APOB: variants seen among roughly 807,000 people sequenced by gnomAD.
APOB encodes apolipoprotein B.
In APOB, 153 loss-of-function variants were observed where a neutral mutation model predicts 314.1. The observed-to-expected ratio is 0.49, with a 90% CI of 0.43 to 0.56. The LOEUF is 0.56. Ranked by LOEUF, APOB falls within the 20% of genes least tolerant of loss-of-function variation. The probability of loss-of-function intolerance (pLI) is 0.00; values close to 1 mark genes in which losing one functional copy is unlikely to be tolerated. For missense variants in APOB, 5,430 were observed against 5,350.7 expected, an observed-to-expected ratio of 1.01 and a Z score of -0.46; for synonymous variants, 2,087 against 2,036.4, an observed-to-expected ratio of 1.02 and a Z score of -0.67.
At chr2:21,034,713 C>T in intron 8 of APOB, 103 bp downstream of exon 8, 1 of 785,668 alleles carries the variant, frequency 1.3e-6, no homozygotes. Context: ...GTCTGTATCA[C>T]TTGTTAGTCA....
rs1663797848 is a variant in APOB at position 21,028,512 on chromosome 2, G to A, written c.1644C>T (p.Phe548=). 6.2e-7 allele frequency: 1 copy of A among 1,613,260 alleles called. No homozygotes were observed. The highest frequency in any genetic ancestry group is 1.7e-5 in the Admixed American group (1 of 60,022). Residue 548 remains phenylalanine, a synonymous_variant, in exon 13 of 29, where the codon TTC becomes TTT. Transcript: ENST00000233242. The part of the protein sequence containing the change: ...DKDQEVLLQT[F]LDDASPGDKR... Reference sequence around the variant, plus strand: ...TATCTCCCGGAGAAGCATCATCAAGGAAAGTCTGAAGAAGAACCTCCTGGT... The same window carrying A: ...TATCTCCCGGAGAAGCATCATCAAGAAAAGTCTGAAGAAGAACCTCCTGGT...
rs544521341 is a variant in APOB, at chr2:21,007,174, T to C, written c.9694A>G (p.Lys3232Glu). ...SYNETKIKFDKYKAEKSHDEL... is the reference protein window; with the variant it reads ...SYNETKIKFDEYKAEKSHDEL... ...TCGTGAGATTTTTCAGCTTTGTACT[T>C]ATCAAACTTAATTTTTGTTTCATTA... Residue 3232 changes from lysine (K) to glutamate (E), a missense_variant, in exon 26 of 29, where the codon AAG becomes GAG. Physicochemically the swap from Lys to Glu is moderately conservative, Grantham distance 56. Coordinates refer to ENST00000233242, the MANE Select transcript of APOB (RefSeq NM_000384.3). 3.8e-5 allele frequency: 62 copies of C among 1,613,966 alleles called. No homozygotes were observed. In the East Asian group the frequency reaches 1.2e-3, roughly 32 times the overall value.
chr2:21,042,446 T>C lies in APOB; in HGVS notation c.152A>G (p.Lys51Arg), dbSNP rs764776276. 22 of 1,614,068 alleles carry C rather than the reference T, an allele frequency of 1.4e-5. No individual in the cohort carries two copies. Among genetic ancestry groups the C allele is most frequent in the Non-Finnish European group, 1.8e-5 (21 of 1,180,036 alleles). ...CTCAGCCTCATAGTTGTATGTGTAC[T>C]TCCGGAGGTGCTTGAATCGGGTCGC... ...KDATRFKHLRKYTYNYEAESS... is the reference protein window; with the variant it reads ...KDATRFKHLRRYTYNYEAESS... The change falls in exon 3 of 29, where the codon AAG becomes AGG. Residue 51 changes from lysine to arginine, a missense_variant. Lys to Arg is a conservative substitution (Grantham distance 26). Coordinates refer to ENST00000233242, the MANE Select transcript of APOB (RefSeq NM_000384.3).
intron 17 of APOB, among the ~76,000 whole-genome samples, 195 bp from the exon 18 acceptor site, chr2:21,023,237 A>G (rs1663657092): frequency 6.6e-6 from 1 of 152,210 alleles, no homozygotes; most frequent in African/African-American, 2.4e-5. Context: ...ACCCAGAACT[A>G]GAAAGCACCT....
chr2:21,016,499 C>A lies in APOB; in HGVS notation c.3272G>T (p.Arg1091Ile). 1 of 1,611,872 alleles carries A rather than the reference C, an allele frequency of 6.2e-7. No individual in the cohort carries two copies. The highest frequency in any genetic ancestry group is 8.5e-7 in the Non-Finnish European group (1 of 1,177,988). Residue 1091 changes from arginine to isoleucine, a missense_variant, in exon 21 of 29, where the codon AGA (arginine) becomes ATA (isoleucine). Arg to Ile is a moderately conservative substitution (Grantham distance 97). This residue lies in a region of APOB where 2,085 missense variants were observed against 2,079.7 expected (regional missense o/e 1.00). Transcript: ENST00000233242. ...CTTGTTCTGAATGTCCAGGGTGAGT[C>A]TGTAAGACGTTTTGCCCTCAGTAGA... Reference protein sequence around the residue: ...DESTEGKTSYRLTLDIQNKKI... With the variant: ...DESTEGKTSYILTLDIQNKKI...
At chr2:21,040,824 C>T (rs944368084) in intron 4 of APOB, 114 bp downstream of exon 4, 32 of 1,222,400 alleles carry the variant, frequency 2.6e-5, no homozygotes, top group East Asian at 7.1e-5. Flanking sequence ...CCCTGATCCA[C>T]GATGGATACG....
In APOB at chr2:21,011,309, TGCTTTATA is replaced by T. The variant is rs1356095864; in HGVS notation, c.5551_5558del (p.Tyr1851ArgfsTer5). The T allele has an allele frequency of 6.2e-7, 1 of 1,614,248 alleles. No individual in the cohort carries two copies. Among genetic ancestry groups the T allele is most frequent in the Non-Finnish European group, 8.5e-7 (1 of 1,180,030 alleles). On this transcript the variant is annotated frameshift_variant, in exon 26 of 29. Transcript: ENST00000233242. LOFTEE classifies it high-confidence loss of function. ...CACCCTGAACCTTAGCAACAGTGTCTGCTTTATAGCTTGCTGATAAGGCAGCAGAAGAG... is the reference window on the plus strand; with the variant it reads ...CACCCTGAACCTTAGCAACAGTGTCTGCTTGCTGATAAGGCAGCAGAAGAG...
intron 15 of APOB, among the ~76,000 whole-genome samples, chr2:21,026,316 C>T (rs1407683249): frequency 6.6e-6 from 1 of 151,596 alleles, no homozygotes; most frequent in African/African-American, 2.4e-5. Flanking sequence ...GGCGTGATCT[C>T]GGCTCACTGC....
rs1460970107 is a variant in APOB, at chr2:21,012,087, T to G, written c.4781A>C (p.Gln1594Pro). 1.9e-6 allele frequency: 3 copies of G among 1,614,010 alleles called. No homozygotes were observed. The highest frequency in any genetic ancestry group is 3.3e-5 in the Admixed American group (2 of 59,996). Residue 1594 changes from glutamine (Q) to proline (P), a missense_variant, in exon 26 of 29, where the codon CAA becomes CCA. Gln to Pro is a moderately conservative substitution (Grantham distance 76, BLOSUM62 -1). This residue lies in a region of APOB where 2,085 missense variants were observed against 2,079.7 expected (regional missense o/e 1.00). Transcript: ENST00000233242. ...SNKMDMTFSK[Q>P]NALLRSEYQA... Reference sequence around the variant, plus strand: ...ATATTCAGAACGCAGCAGTGCATTTTGCTTAGAGAAGGTCATATCCATCTT... The same window carrying G: ...ATATTCAGAACGCAGCAGTGCATTTGGCTTAGAGAAGGTCATATCCATCTT...
Position 21,026,861 on chromosome 2 carries a change from C to T in APOB, c.2171G>A (p.Gly724Asp), listed in dbSNP as rs762959753. Residue 724 changes from glycine to aspartate, a missense_variant, in exon 15 of 29, where the codon GGT becomes GAT. By Grantham distance (94) the Gly-to-Asp change is moderately conservative. This residue lies in a region of APOB where 2,085 missense variants were observed against 2,079.7 expected (regional missense o/e 1.00). Coordinates refer to ENST00000233242, the MANE Select transcript of APOB (RefSeq NM_000384.3). ...CTTAGAGACACCATCAGGAACTTGA[C>T]CATTAACCCAGTACAAAGCTTTGTT... Reference protein sequence around the residue: ...SVNKALYWVNGQVPDGVSKVL... With the variant: ...SVNKALYWVNDQVPDGVSKVL... 4.3e-6 allele frequency: 7 copies of T among 1,614,002 alleles called. No individual in the cohort carries two copies. The highest frequency in any genetic ancestry group is 3.3e-5 in the South Asian group (3 of 91,088).
Position 21,011,333 on chromosome 2 carries a change from A to G in APOB, c.5535T>C (p.Ala1845=), listed in dbSNP as rs760229342. The change falls in exon 26 of 29, where the codon GCT becomes GCC. Residue 1845 remains alanine (A), a synonymous_variant. Coordinates refer to ENST00000233242, the MANE Select transcript of APOB (RefSeq NM_000384.3). ...CTGCTTTATAGCTTGCTGATAAGGC[A>G]GCAGAAGAGATGGCATAGATGTGTT... ...EIKHIYAISS[A]ALSASYKADT... 6.2e-7 allele frequency: 1 copy of G among 1,614,208 alleles called. No homozygotes were observed. Among genetic ancestry groups the G allele is most frequent in the South Asian group, 1.1e-5 (1 of 91,082 alleles).
chr2:21,033,675 G>A (rs1316164212), intron 8 of APOB, among the ~76,000 whole-genome samples, 157 bp from the exon 9 acceptor site: 1 of 152,208 alleles, frequency 6.6e-6, no homozygotes, highest in Non-Finnish European at 1.5e-5. Context: ...TGCCATAGGT[G>A]ATTGACTTGT....
chr2:21,018,092 C>T (rs1663520245), intron 20 of APOB, among the ~76,000 whole-genome samples: 1 of 152,152 alleles, frequency 6.6e-6, no homozygotes, highest in Non-Finnish European at 1.5e-5. Context: ...GGTTTGTCTT[C>T]ATTCCCCTTT....
In APOB at chr2:21,004,650, A is replaced by G. The variant is rs1180839017; in HGVS notation, c.11814T>C (p.Asp3938=). ...CTTTAGTCTTAGAGGCTAACGTACC[A>G]TCTTCGATTTTGTGTGTTCCCAAAA... The part of the protein sequence containing the change: ...LNVLGTHKIE[D]GTLASKTKGT... Residue 3938 remains aspartate, a synonymous_variant, in exon 27 of 29, where the codon GAT becomes GAC. Coordinates refer to ENST00000233242, the MANE Select transcript of APOB (RefSeq NM_000384.3). The G allele has an allele frequency of 5.0e-6, 8 of 1,613,758 alleles. No individual in the cohort carries two copies. The South Asian group carries it at 5.5e-5, about 11-fold the overall frequency.
At position 21,012,394 on chromosome 2, in the gene APOB, C is replaced by G; in HGVS notation, c.4474G>C (p.Val1492Leu). 1 of 1,614,210 alleles carries G rather than the reference C, an allele frequency of 6.2e-7. No homozygotes were observed. Among genetic ancestry groups the G allele is most frequent in the Admixed American group, 1.7e-5 (1 of 60,024 alleles). The change falls in exon 26 of 29, where the codon GTC becomes CTC. Residue 1492 changes from valine (V) to leucine (L), a missense_variant. By Grantham distance (32) the Val-to-Leu change is conservative. Around this residue, in one of 3 missense-constraint regions of APOB, gnomAD observed 2,085 missense variants for 2,079.7 expected, o/e 1.00. Transcript: ENST00000233242. Reference sequence around the variant, plus strand: ...GTGCCTTTAGCATAGAACGAAGAGACTCTGAACTGCCCATCAATCTTGACT... The same window carrying G: ...GTGCCTTTAGCATAGAACGAAGAGAGTCTGAACTGCCCATCAATCTTGACT... ...KEVKIDGQFRVSSFYAKGTYG... is the reference protein window; with the variant it reads ...KEVKIDGQFRLSSFYAKGTYG...
In APOB at chr2:21,002,840, A is replaced by C; in HGVS notation, c.12582T>G (p.Ile4194Met). ...MKVKHLIDSLIDFLNFPRFQF... is the reference protein window; with the variant it reads ...MKVKHLIDSLMDFLNFPRFQF... ...GGAATCTGGGGAAGTTCAGAAAATC[A>C]ATGAGTGAGTCAATCAGATGCTTGA... The change falls in exon 29 of 29, where the codon ATT (isoleucine) becomes ATG (methionine). Residue 4194 changes from isoleucine to methionine, a missense_variant. Physicochemically the swap from Ile to Met is conservative, Grantham distance 10. This residue lies in a region of APOB where 3,281 missense variants were observed against 3,171.0 expected (regional missense o/e 1.03). Transcript: ENST00000233242. 1 of 1,612,982 alleles carries C rather than the reference A, an allele frequency of 6.2e-7. No homozygotes were observed. Among genetic ancestry groups the C allele is most frequent in the Non-Finnish European group, 8.5e-7 (1 of 1,179,556 alleles).
chr2:21,020,300 C>A (rs1403543119), intron 18 of APOB, among the ~76,000 whole-genome samples: 1 of 152,220 alleles, frequency 6.6e-6, no homozygotes, highest in Non-Finnish European at 1.5e-5. Flanking sequence ...TCTCTACCTG[C>A]TTCCTTCCAC....
At chr2:21,004,876 C>A (rs1040059748) in intron 26 of APOB, among the ~76,000 whole-genome samples, 2 of 152,186 alleles carry the variant, frequency 1.3e-5, no homozygotes, top group African/African-American at 4.8e-5. Context: ...AATCCATTTT[C>A]TTTAAAGCTG....
rs201825493 is a variant in APOB at position 21,016,532 on chromosome 2, T to C, written c.3239A>G (p.Asn1080Ser). Reference protein sequence around the residue: ...DVDLGTILRVNDESTEGKTSY... With the variant: ...DVDLGTILRVSDESTEGKTSY... The stretch of plus-strand genomic sequence containing the variant: ...CGTTTTGCCCTCAGTAGATTCATCA[T>C]TAACTCTGAGGATTGTTCCGAGGTC... The change falls in exon 21 of 29, where the codon AAT becomes AGT. Residue 1080 changes from asparagine to serine, a missense_variant. Asn to Ser is a conservative substitution (Grantham distance 46, BLOSUM62 1). Around this residue, in one of 3 missense-constraint regions of APOB, gnomAD observed 2,085 missense variants for 2,079.7 expected, o/e 1.00. Coordinates refer to ENST00000233242, the MANE Select transcript of APOB (RefSeq NM_000384.3). 53 of 1,604,680 alleles carry C rather than the reference T, an allele frequency of 3.3e-5. No individual in the cohort carries two copies. The highest frequency in any genetic ancestry group is 4.5e-5 in the Non-Finnish European group (53 of 1,171,448).
Sources: gnomAD v4.1 joint callset for allele counts (sites outside exome capture counted in the v4.1 genomes callset) on GRCh38, gnomAD v4.1.1 for gene constraint, gnomAD v4.1.1 regional missense constraint, MANE v1.5 for transcripts, NCBI Gene and HGNC (gene_info 2026-07-23, HGNC 2026-07-21) for gene names.